Variants in NLGN1 observed in about 807,000 individuals in gnomAD.
NLGN1 encodes the protein neuroligin-1.
A neutral mutation model predicts 65.5 loss-of-function variants in NLGN1; 12 were observed. That is an observed-to-expected ratio of 0.18 (90% CI 0.12 to 0.30). The LOEUF is 0.30. Ranked by LOEUF, NLGN1 falls within the 10% of genes least tolerant of loss-of-function variation. The probability of loss-of-function intolerance (pLI) is 1.00; values close to 1 mark genes in which losing one functional copy is unlikely to be tolerated. For synonymous variants in NLGN1, 350 were observed against 359.5 expected (o/e 0.97, Z 0.30); for missense variants, 750 against 1,007.1 (o/e 0.74, Z 3.46).
intron 4 of NLGN1, among the ~76,000 whole-genome samples, chr3:173,891,842 C>T (rs1483058503): frequency 1.3e-5 from 2 of 152,086 alleles, no homozygotes; most frequent in African/African-American, 2.4e-5. Flanking sequence ...CAACAATGCC[C>T]ATCATGCAGA....
At chr3:173,942,207 A>G (rs1483866307) in intron 4 of NLGN1, among the ~76,000 whole-genome samples, 2 of 151,894 alleles carry the variant, frequency 1.3e-5, no homozygotes, top group Non-Finnish European at 2.9e-5. Context: ...GCATATATAC[A>G]TACATAGTGA....
chr3:174,257,938 A>AT (rs914484374), intron 4 of NLGN1, among the ~76,000 whole-genome samples: 1 of 150,820 alleles, frequency 6.6e-6, no homozygotes, highest in African/African-American at 2.4e-5. Context: ...AAAAATAGTA[A>AT]TTTTTATAAT....
chr3:173,396,449 C>T (rs1236471511), upstream of NLGN1: 1 of 152,134 alleles, frequency 6.6e-6, no homozygotes, highest in Non-Finnish European at 1.5e-5. Flanking sequence ...TATATACCGA[C>T]CGCATAATAT....
rs117504265 is a variant in NLGN1, at chr3:173,700,299, A to G, written c.493+95208A>G. Among the ~76,000 whole-genome samples the G allele has an allele frequency of 8.7e-4, 133 of 152,352 alleles. 1 individual carries two copies. The East Asian group carries it at 0.022, about 25-fold the overall frequency. ...AAAAATATAAGATAATTTTGAAAGC[A>G]ATCAAAAGAGCCAGATTAGTTCATT... On this transcript the variant is annotated intron_variant, in intron 3 of 6. Transcript: ENST00000457714.
intron 4 of NLGN1, among the ~76,000 whole-genome samples, chr3:174,230,180 C>T (rs1425851706): frequency 1.3e-5 from 2 of 152,124 alleles, no homozygotes; most frequent in African/African-American, 2.4e-5. Flanking sequence ...AGACCTGACC[C>T]GGGAGAGGAA....
chr3:173,545,037 T>TC (rs1739535685), intron 2 of NLGN1, among the ~76,000 whole-genome samples: 1 of 151,278 alleles, frequency 6.6e-6, no homozygotes, highest in African/African-American at 2.4e-5. Flanking sequence ...TCTGCAAAGT[T>TC]TTGTGTGTGT....
At chr3:174,002,296 T>A (rs1372641767) in intron 4 of NLGN1, among the ~76,000 whole-genome samples, 1 of 151,986 alleles carries the variant, frequency 6.6e-6, no homozygotes, top group Non-Finnish European at 1.5e-5. Flanking sequence ...CCCGGCTGAT[T>A]TTTGTATTTT....
intron 3 of NLGN1, among the ~76,000 whole-genome samples, chr3:173,745,193 A>G (rs1363702323): frequency 6.6e-6 from 1 of 152,072 alleles, no homozygotes; most frequent in East Asian, 1.9e-4. Flanking sequence ...GTGCTCAGAG[A>G]TGCCTTGCTT....
At chr3:173,873,303 G>A (rs763191451) in intron 4 of NLGN1, among the ~76,000 whole-genome samples, 9 of 152,036 alleles carry the variant, frequency 5.9e-5, no homozygotes, top group Non-Finnish European at 1.2e-4. Flanking sequence ...TACCCAGGCT[G>A]GTCTCAACTT....
chr3:174,054,835 G>C (rs1480540547), intron 4 of NLGN1, among the ~76,000 whole-genome samples: 6 of 151,978 alleles, frequency 3.9e-5, no homozygotes, highest in Non-Finnish European at 4.4e-5. Flanking sequence ...GTCTGACAGT[G>C]AATTAGTGAA....
intron 4 of NLGN1, among the ~76,000 whole-genome samples, chr3:174,238,774 T>C (rs1441295215): frequency 6.6e-6 from 1 of 152,218 alleles, no homozygotes; most frequent in Non-Finnish European, 1.5e-5. Context: ...TGCAAAATAG[T>C]ATGTCTATAT....
At chr3:173,454,921 T>C (rs1217358814) in intron 2 of NLGN1, among the ~76,000 whole-genome samples, 2 of 152,164 alleles carry the variant, frequency 1.3e-5, no homozygotes, top group African/African-American at 4.8e-5. Flanking sequence ...TGAGAGGGCA[T>C]TGTAGGGTTA....
intron 3 of NLGN1, among the ~76,000 whole-genome samples, chr3:173,650,927 T>TA (rs1025802738): frequency 2.0e-5 from 3 of 151,938 alleles, no homozygotes; most frequent in Admixed American, 1.3e-4. Context: ...CCTGTTTATT[T>TA]TTTTTTTTTA....
At chr3:174,028,542 A>G (rs2152469155) in intron 4 of NLGN1, among the ~76,000 whole-genome samples, 1 of 152,336 alleles carries the variant, frequency 6.6e-6, no homozygotes, top group East Asian at 1.9e-4. Flanking sequence ...ATTTCTAAGC[A>G]ACAAAGTGTT....
intron 4 of NLGN1, among the ~76,000 whole-genome samples, chr3:174,201,621 C>G (rs1046044510): frequency 2.1e-5 from 3 of 142,652 alleles, no homozygotes; most frequent in South Asian, 2.3e-4. Flanking sequence ...CAATGAGAAG[C>G]AAGGATCAAG....
chr3:173,905,335 A>C (rs2152199660), intron 4 of NLGN1, among the ~76,000 whole-genome samples: 1 of 152,290 alleles, frequency 6.6e-6, no homozygotes, highest in Middle Eastern at 3.4e-3. Context: ...GAGTGAGGAG[A>C]GCCAAAGGGT....
chr3:174,281,178 A>G (rs1751474444), exon 7 of NLGN1: 6 of 1,613,248 alleles, frequency 3.7e-6, no homozygotes, highest in Middle Eastern at 1.7e-4. Flanking sequence ...CACCATTACA[A>G]TGATTCCCAA....
At chr3:173,566,851 A>G (rs1026744533) in intron 2 of NLGN1, among the ~76,000 whole-genome samples, 1 of 152,184 alleles carries the variant, frequency 6.6e-6, no homozygotes, top group Non-Finnish European at 1.5e-5. Context: ...GTATTGAGTA[A>G]AAAAGAGTAA....
At chr3:173,662,853 T>C (rs1437317321) in intron 3 of NLGN1, among the ~76,000 whole-genome samples, 1 of 151,914 alleles carries the variant, frequency 6.6e-6, no homozygotes, top group Non-Finnish European at 1.5e-5. Flanking sequence ...AACACAAAAT[T>C]TTCCTGCCCA....
Sources: gnomAD v4.1 joint callset for allele counts (sites outside exome capture counted in the v4.1 genomes callset) on GRCh38, gnomAD v4.1.1 for gene constraint, MANE v1.5 for transcripts, NCBI Gene and HGNC (gene_info 2026-07-23, HGNC 2026-07-21) for gene names.